USP3: variants seen among roughly 807,000 people sequenced by gnomAD.
USP3 encodes ubiquitin carboxyl-terminal hydrolase 3.
In USP3, 20 loss-of-function variants were observed where a neutral mutation model predicts 72.3. That is an observed-to-expected ratio of 0.28 (90% CI 0.19 to 0.40). The LOEUF (loss-of-function observed/expected upper bound fraction) is 0.40. Among genes scored for constraint, USP3 ranks in the 10% least tolerant of loss-of-function variants. The pLI, the probability that USP3 is intolerant of heterozygous loss-of-function variation, is 1.00. For missense variants in USP3, 479 were observed against 633.9 expected, an observed-to-expected ratio of 0.76 and a Z score of 2.62; for synonymous variants, 222 against 225.3, an observed-to-expected ratio of 0.99 and a Z score of 0.13.
intron 1 of USP3, among the ~76,000 whole-genome samples, chr15:63,523,821 T>C (rs2065947431): frequency 6.6e-6 from 1 of 152,198 alleles, no homozygotes; most frequent in Admixed American, 6.5e-5. Flanking sequence ...TCAAGTCTTG[T>C]AATTATTTAG....
At chr15:63,580,641 C>CATATATATATGAATATATA (rs749709583) in intron 11 of USP3, among the ~76,000 whole-genome samples, 1 of 49,552 alleles carries the variant, frequency 2.0e-5, no homozygotes, top group East Asian at 2.0e-4. Context: ...GAAAGTGGTG[C>CATATATATATGAATATATA]ATATATATAT....
At chr15:63,538,977 G>A (rs760668206) in intron 3 of USP3, among the ~76,000 whole-genome samples, 1 of 152,148 alleles carries the variant, frequency 6.6e-6, no homozygotes, top group Non-Finnish European at 1.5e-5. Context: ...CAGTAGAAAT[G>A]AAAATCTTCC....
intron 3 of USP3, among the ~76,000 whole-genome samples, chr15:63,548,492 A>AT (rs1252265382): frequency 1.3e-5 from 2 of 150,954 alleles, no homozygotes; most frequent in Non-Finnish European, 3.0e-5. Context: ...CTCCTGGCTA[A>AT]TTTTTGTATT....
chr15:63,524,718 AGCAT>A (rs2065958223), intron 1 of USP3, among the ~76,000 whole-genome samples: 1 of 152,080 alleles, frequency 6.6e-6, no homozygotes, highest in African/African-American at 2.4e-5. Flanking sequence ...GGCTTCTCTC[AGCAT>A]GTTGGTCTCT....
At chr15:63,564,215 T>C (rs1045476931) in intron 8 of USP3, among the ~76,000 whole-genome samples, 1 of 152,182 alleles carries the variant, frequency 6.6e-6, no homozygotes, top group African/African-American at 2.4e-5. Flanking sequence ...CCACTGGGTA[T>C]TTTTTATCTG....
At chr15:63,572,683 A>T (rs547196182) in intron 9 of USP3, among the ~76,000 whole-genome samples, 15 of 152,306 alleles carry the variant, frequency 9.8e-5, no homozygotes, top group African/African-American at 3.6e-4. Flanking sequence ...TAGAAAATAC[A>T]CTTCAGTGTT....
intron 7 of USP3, among the ~76,000 whole-genome samples, chr15:63,560,413 C>CT (rs2066588969): frequency 8.4e-6 from 1 of 119,530 alleles, no homozygotes; most frequent in Non-Finnish European, 2.0e-5. Flanking sequence ...GAGACTCCAT[C>CT]TCAAAAAAAA....
chr15:63,588,902 A>G lies in USP3; in HGVS notation c.1330-42A>G. The G allele has an allele frequency of 6.2e-7, 1 of 1,612,174 alleles. No homozygotes were observed. Among genetic ancestry groups the G allele is most frequent in the Non-Finnish European group, 8.5e-7 (1 of 1,178,220 alleles). On this transcript the variant is annotated intron_variant, in intron 13 of 14. Transcript: ENST00000380324. This position sits in a 1 kb window ranked among gnomAD's most constrained non-coding sequence, Gnocchi z 4.6. Reference sequence around the variant, plus strand: ...TGGAGAGGGTAGAGGTCATCGAGATACTGATGTCATTGACCACTGCTCCTT... The same window carrying G: ...TGGAGAGGGTAGAGGTCATCGAGATGCTGATGTCATTGACCACTGCTCCTT...
chr15:63,547,159 T>C (rs1304911578), intron 3 of USP3, among the ~76,000 whole-genome samples: 1 of 152,236 alleles, frequency 6.6e-6, no homozygotes, highest in Non-Finnish European at 1.5e-5. Flanking sequence ...ACTAATCCTC[T>C]GCCACGTTGA....
rs1283821454 is a variant in USP3, at chr15:63,570,219, T to C, written c.762-214T>C. On this transcript the variant is annotated intron_variant, in intron 8 of 14. Transcript: ENST00000380324. This position sits in a 1 kb window ranked among gnomAD's most constrained non-coding sequence, Gnocchi z 4.4. ...ATTGCAAATCCAATTAGCTCCAATA[T>C]TTTTTGGTTTTCAAACCTATCTTAA... Among the ~76,000 whole-genome samples, 2 of 152,212 alleles carry C rather than the reference T, an allele frequency of 1.3e-5. No homozygotes were observed. Among genetic ancestry groups the C allele is most frequent in the Middle Eastern group, 3.2e-3 (1 of 316 alleles).
intron 3 of USP3, among the ~76,000 whole-genome samples, chr15:63,541,503 G>C (rs900318107): frequency 1.3e-5 from 2 of 152,086 alleles, no homozygotes; most frequent in Non-Finnish European, 2.9e-5. Context: ...AGTTTAAGAA[G>C]AAACTTTCTA....
Position 63,574,469 on chromosome 15 carries a change from T to C in USP3, c.1096+66T>C. On this transcript the variant is annotated intron_variant, in intron 11 of 14. Coordinates refer to ENST00000380324, the MANE Select transcript of USP3 (RefSeq NM_006537.4). The surrounding 1 kb of genome is among the most constrained non-coding windows in gnomAD (Gnocchi z 4.6). ...TAATTGAATAGATTGATAAGCTTCA[T>C]CTATATGTGGTATCTTTAATTAATA... 3.3e-6 allele frequency: 4 copies of C among 1,220,834 alleles called. 1 individual carries two copies. The South Asian group carries it at 6.0e-5, about 18-fold the overall frequency. 75.6% of individuals were successfully genotyped at this position (1,220,834 alleles called of 1,614,324 possible).
chr15:63,546,405 A>T (rs1460615267), intron 3 of USP3, among the ~76,000 whole-genome samples: 1 of 152,076 alleles, frequency 6.6e-6, no homozygotes, highest in African/African-American at 2.4e-5. Flanking sequence ...TTGAAACACA[A>T]CCTATGAGTT....
At chr15:63,563,444 G>A (rs1171190289) in intron 8 of USP3, among the ~76,000 whole-genome samples, 1 of 152,344 alleles carries the variant, frequency 6.6e-6, no homozygotes, top group East Asian at 1.9e-4. Flanking sequence ...TGGGAAGGCT[G>A]TGGTCAAGCG....
In USP3 at chr15:63,560,037, C is replaced by T. The variant is rs555278203; in HGVS notation, c.647+67C>T. ...AACAAATTACTTTCACTGGTGGTTT[C>T]CATTGTACTAAGTGAGCTAACAGGC... is the stretch of plus-strand genomic sequence containing the variant. On this transcript the variant is annotated intron_variant, in intron 7 of 14. Transcript: ENST00000380324. 409 of 1,394,752 alleles carry T rather than the reference C, an allele frequency of 2.9e-4. 4 individuals are homozygous for T. The South Asian group carries it at 4.9e-3, about 17-fold the overall frequency. 86.4% of individuals were successfully genotyped at this position (1,394,752 alleles called of 1,614,324 possible).
intron 1 of USP3, among the ~76,000 whole-genome samples, chr15:63,520,113 C>G (rs900902510): frequency 2.0e-5 from 3 of 152,136 alleles, no homozygotes; most frequent in African/African-American, 7.2e-5. Flanking sequence ...TAAGATCTCT[C>G]AGCACAGTAG....
Position 63,574,234 on chromosome 15 carries a change from A to C in USP3, c.1015+82A>C. On this transcript the variant is annotated intron_variant, in intron 10 of 14. Coordinates refer to ENST00000380324, the MANE Select transcript of USP3 (RefSeq NM_006537.4). The surrounding 1 kb of genome is among the most constrained non-coding windows in gnomAD (Gnocchi z 4.6). ...TCCTTCAAAAAATAAGTGTAAAGAG[A>C]AATCTAGAAATACATCAGTTTGTGA... The C allele has an allele frequency of 7.1e-7, 1 of 1,414,090 alleles. No individual in the cohort carries two copies. Among genetic ancestry groups the C allele is most frequent in the Non-Finnish European group, 9.4e-7 (1 of 1,060,242 alleles). 87.6% of individuals were successfully genotyped at this position (1,414,090 alleles called of 1,614,324 possible). A position where few individuals can be genotyped will look rare whatever the true frequency, so the allele number is the denominator to read the frequency against.
At chr15:63,576,031 G>T (rs1223585337) in intron 11 of USP3, among the ~76,000 whole-genome samples, 1 of 146,748 alleles carries the variant, frequency 6.8e-6, no homozygotes, top group Non-Finnish European at 1.5e-5. Context: ...CTGTCGCCCA[G>T]GCTGGAGTGC....
rs1330363465 is a variant in USP3, at chr15:63,593,628, TTGAA to T, written c.*2805_*2808del. On this transcript the variant is annotated 3_prime_UTR_variant, in exon 15 of 15. Coordinates refer to ENST00000380324, the MANE Select transcript of USP3 (RefSeq NM_006537.4). ...GTTGGTTTTACTTGAACAGAAACGT[TTGAA>T]TGGTGTGAAGATTCTTTAGAAAAGT... 6.6e-6 allele frequency: 1 copy of T among 152,266 alleles called. No homozygotes were observed. Among genetic ancestry groups the T allele is most frequent in the African/African-American group, 2.4e-5 (1 of 41,466 alleles). The allele number at this position is 152,266 out of a possible 1,614,324, so 9.4% of individuals were successfully genotyped here. A position where few individuals can be genotyped will look rare whatever the true frequency, so the allele number is the denominator to read the frequency against.
Sources: gnomAD v4.1 joint callset for allele counts (sites outside exome capture counted in the v4.1 genomes callset) on GRCh38, gnomAD v4.1.1 for gene constraint, Gnocchi (gnomAD v3.1) non-coding constraint, MANE v1.5 for transcripts, NCBI Gene and HGNC (gene_info 2026-07-23, HGNC 2026-07-21) for gene names.